ST8SIA1: variants seen among roughly 807,000 people sequenced by gnomAD.
ST8SIA1 encodes alpha-N-acetylneuraminide alpha-2,8-sialyltransferase.
Under a neutral mutation model 35.9 loss-of-function variants are expected in ST8SIA1, and 16 were observed. The observed-to-expected ratio is 0.45, with a 90% CI of 0.30 to 0.68. ST8SIA1 has a LOEUF of 0.68. Among genes scored for constraint, ST8SIA1 ranks in the 30% least tolerant of loss-of-function variants. ST8SIA1 has a pLI of 0.09. For missense variants in ST8SIA1, 383 were observed against 453.6 expected (o/e 0.84, Z 1.41); for synonymous variants, 170 against 169.6 (o/e 1.00, Z -0.02).
intron 1 of ST8SIA1, among the ~76,000 whole-genome samples, chr12:22,297,503 C>T (rs11046359): frequency 1.3e-5 from 2 of 151,978 alleles, no homozygotes; most frequent in Admixed American, 6.6e-5. Context: ...TGGCTTTGTG[C>T]TATGAACCAT....
intron 1 of ST8SIA1, among the ~76,000 whole-genome samples, chr12:22,299,574 T>A (rs569461474): frequency 1.5e-4 from 23 of 152,182 alleles, no homozygotes; most frequent in African/African-American, 2.9e-4. Context: ...ATTAAAAAAA[T>A]TTTTATATGA....
At chr12:22,275,484 G>A (rs890117677) in intron 2 of ST8SIA1, among the ~76,000 whole-genome samples, 2 of 152,082 alleles carry the variant, frequency 1.3e-5, no homozygotes, top group Non-Finnish European at 2.9e-5. Flanking sequence ...AGCCCCGGGG[G>A]CAGAGGTTGC....
intron 1 of ST8SIA1, among the ~76,000 whole-genome samples, chr12:22,329,822 G>A (rs576256540): frequency 1.3e-5 from 2 of 152,218 alleles, no homozygotes; most frequent in East Asian, 3.9e-4. Context: ...CCAATGAGTC[G>A]ACAGAATTTT....
At chr12:22,217,636 T>C (rs906927030) in intron 4 of ST8SIA1, among the ~76,000 whole-genome samples, 30 of 152,238 alleles carry the variant, frequency 2.0e-4, no homozygotes, top group Admixed American at 7.9e-4. Flanking sequence ...GTGTATTTCA[T>C]AGGGCTGTTG....
chr12:22,275,722 T>C (rs1865961594), intron 2 of ST8SIA1, among the ~76,000 whole-genome samples: 1 of 152,318 alleles, frequency 6.6e-6, no homozygotes, highest in Non-Finnish European at 1.5e-5. Flanking sequence ...CTGCTCAAGA[T>C]TGATCCCCTG....
At chr12:22,214,667 C>CA (rs76262549) in intron 4 of ST8SIA1, among the ~76,000 whole-genome samples, 30,050 of 151,272 alleles carry the variant, frequency 0.2, 3,291 homozygotes, top group South Asian at 0.33. Context: ...GCAAATGAAA[C>CA]AAAAAAAACA....
intron 4 of ST8SIA1, among the ~76,000 whole-genome samples, chr12:22,204,315 G>A (rs772846051): frequency 1.3e-5 from 2 of 152,130 alleles, no homozygotes; most frequent in Non-Finnish European, 2.9e-5. Flanking sequence ...TATGTAATGT[G>A]GTGTTTTGAT....
At position 22,334,381 on chromosome 12, in the gene ST8SIA1, T is replaced by C; in HGVS notation, c.-149A>G. ...ACGCACGCACGCTTCTTCGGCCCCGTCGGCCCCAAAGGTCAGCGCAAGGAT... is the reference window on the plus strand; with the variant it reads ...ACGCACGCACGCTTCTTCGGCCCCGCCGGCCCCAAAGGTCAGCGCAAGGAT... On this transcript the variant is annotated 5_prime_UTR_variant, in exon 1 of 5. Coordinates refer to ENST00000396037, the MANE Select transcript of ST8SIA1 (RefSeq NM_003034.4). 1 of 631,036 alleles carries C rather than the reference T, an allele frequency of 1.6e-6. No homozygotes were observed. The highest frequency in any genetic ancestry group is 2.7e-6 in the Non-Finnish European group (1 of 364,504). The allele number at this position is 631,036 out of a possible 1,614,324, so 39.1% of individuals were successfully genotyped here.
intron 1 of ST8SIA1, among the ~76,000 whole-genome samples, chr12:22,330,548 G>C (rs182773986): frequency 1.1e-4 from 16 of 152,196 alleles, no homozygotes; most frequent in East Asian, 9.6e-4. Context: ...GTCTTTGATG[G>C]CCCTATTTCC....
intron 1 of ST8SIA1, 111 bp from the exon 2 acceptor site, chr12:22,287,404 A>G: frequency 9.2e-7 from 1 of 1,082,852 alleles, no homozygotes; most frequent in Non-Finnish European, 1.3e-6. Context: ...GCCAGCTCAC[A>G]GAAGCATAGC....
Position 22,295,874 on chromosome 12 carries a change from G to A in ST8SIA1, c.237-8581C>T, listed in dbSNP as rs1397840138. Among the ~76,000 whole-genome samples the A allele has an allele frequency of 2.0e-5, 3 of 152,170 alleles. 1 individual carries two copies. The East Asian group carries it at 5.8e-4, about 29-fold the overall frequency. ...AGTCTGCTTGTACAGAATTCTCTTG[G>A]CTATGACTCCCCATCAAAGAATGTT... On this transcript the variant is annotated intron_variant, in intron 1 of 4. Coordinates refer to ENST00000396037, the MANE Select transcript of ST8SIA1 (RefSeq NM_003034.4).
chr12:22,223,827 C>T (rs1016561724), intron 4 of ST8SIA1: 1 of 1,193,354 alleles, frequency 8.4e-7, no homozygotes, highest in Non-Finnish European at 1.1e-6. Flanking sequence ...ATATTCCCTG[C>T]AATATCCTTA....
chr12:22,202,444 T>A (rs1373925992), intron 4 of ST8SIA1, among the ~76,000 whole-genome samples: 1 of 152,182 alleles, frequency 6.6e-6, no homozygotes, highest in Non-Finnish European at 1.5e-5. Context: ...CATCTGCAAA[T>A]CAAAGGAATC....
chr12:22,269,919 T>TA (rs1865891701), intron 2 of ST8SIA1, among the ~76,000 whole-genome samples: 1 of 152,184 alleles, frequency 6.6e-6, no homozygotes, highest in South Asian at 2.1e-4. Flanking sequence ...ATGGAATTGT[T>TA]AGGTTTAAAC....
At chr12:22,316,227 G>A (rs1866518379) in intron 1 of ST8SIA1, among the ~76,000 whole-genome samples, 1 of 152,076 alleles carries the variant, frequency 6.6e-6, no homozygotes, top group Admixed American at 6.6e-5. Context: ...AGAAAATTCT[G>A]ACAAAGAAAC....
chr12:22,237,399 C>T (rs933742143), intron 4 of ST8SIA1, among the ~76,000 whole-genome samples: 1 of 152,112 alleles, frequency 6.6e-6, no homozygotes, highest in Admixed American at 6.5e-5. Flanking sequence ...CCACTGTGCC[C>T]AGCCAAGGTC....
intron 1 of ST8SIA1, 115 bp from the exon 2 acceptor site, chr12:22,287,408 G>C: frequency 2.0e-6 from 2 of 1,004,464 alleles, no homozygotes; most frequent in African/African-American, 1.6e-5. Flanking sequence ...GCTCACAGAA[G>C]CATAGCATCT....
chr12:22,301,274 C>T (rs971953285), intron 1 of ST8SIA1, among the ~76,000 whole-genome samples: 2 of 132,094 alleles, frequency 1.5e-5, no homozygotes, highest in Non-Finnish European at 3.5e-5. Flanking sequence ...AGTGGTAAAA[C>T]TTTCAGGACC....
intron 4 of ST8SIA1, among the ~76,000 whole-genome samples, chr12:22,205,655 A>G (rs1329697331): frequency 6.6e-6 from 1 of 152,122 alleles, no homozygotes; most frequent in African/African-American, 2.4e-5. Flanking sequence ...CAGTGACTCA[A>G]GTCTACAATC....
Sources: allele counts gnomAD v4.1 joint callset (sites outside exome capture counted in the v4.1 genomes callset), GRCh38; gene constraint gnomAD v4.1.1; transcripts MANE v1.5; gene names NCBI Gene and HGNC (gene_info 2026-07-23, HGNC 2026-07-21).